The following TRPM3 variants were observed in gnomAD, a reference collection of about 807,000 sequenced individuals.
The protein encoded by TRPM3 is transient receptor potential cation channel subfamily M member 3, also known as long transient receptor potential channel 3.
In TRPM3, 77 loss-of-function variants were observed where a neutral mutation model predicts 181.2. The ratio of observed to expected loss-of-function variants is 0.42; its 90% CI spans 0.35 to 0.51. The LOEUF (loss-of-function observed/expected upper bound fraction) is 0.51, where lower values mean the gene tolerates loss of function less well. TRPM3 is among the 20% of genes least tolerant of loss of function. TRPM3 has a pLI of 0.01. For synonymous variants in TRPM3, 745 were observed against 796.4 expected, an observed-to-expected ratio of 0.94 and a Z score of 1.09; for missense variants, 1,759 against 2,196.7, an observed-to-expected ratio of 0.80 and a Z score of 3.98.
intron 7 of TRPM3, among the ~76,000 whole-genome samples, chr9:70,769,598 G>A (rs1361582581): frequency 1.3e-5 from 2 of 151,756 alleles, no homozygotes; most frequent in Non-Finnish European, 2.9e-5. Flanking sequence ...ACATTGCAGT[G>A]TATCCCATGT....
At chr9:71,089,849 G>A (rs957618360) in intron 1 of TRPM3, among the ~76,000 whole-genome samples, 1 of 152,054 alleles carries the variant, frequency 6.6e-6, no homozygotes, top group Non-Finnish European at 1.5e-5. Context: ...AGAGAGAGGA[G>A]CTCTACATCA....
intron 1 of TRPM3, among the ~76,000 whole-genome samples, chr9:71,077,961 C>T (rs1054212442): frequency 6.8e-6 from 1 of 148,062 alleles, no homozygotes; most frequent in Admixed American, 6.8e-5. Flanking sequence ...TAGCCAACCA[C>T]ACAAGCTTCT....
intron 8 of TRPM3, among the ~76,000 whole-genome samples, chr9:70,694,503 C>G (rs1004267092): frequency 6.6e-6 from 1 of 151,914 alleles, no homozygotes; most frequent in Non-Finnish European, 1.5e-5. Flanking sequence ...TTTTTTGAGA[C>G]GGAGTCTTGC....
At chr9:71,245,101 T>C (rs535459189) in intron 1 of TRPM3, among the ~76,000 whole-genome samples, 1 of 152,172 alleles carries the variant, frequency 6.6e-6, no homozygotes, top group African/African-American at 2.4e-5. Context: ...CAAAGACTAT[T>C]CTAGGAGAAA....
At chr9:70,775,101 C>T (rs912119383) in intron 7 of TRPM3, 16 of 152,064 alleles carry the variant, frequency 1.1e-4, no homozygotes, top group African/African-American at 3.6e-4. Flanking sequence ...TTAATAATAC[C>T]ACTAGGTAAG....
chr9:70,657,198 TAAAAAAAAAA>T (rs3073513), intron 9 of TRPM3, among the ~76,000 whole-genome samples: 2 of 117,690 alleles, frequency 1.7e-5, no homozygotes, highest in African/African-American at 2.9e-5. Flanking sequence ...GGGCTTGAGG[TAAAAAAAAAA>T]AAAAAAAAAA....
At chr9:70,602,702 G>T (rs2060283338) in intron 20 of TRPM3, among the ~76,000 whole-genome samples, 1 of 152,190 alleles carries the variant, frequency 6.6e-6, no homozygotes, top group African/African-American at 2.4e-5. Flanking sequence ...ATGGGCCCCT[G>T]AGGTTAGCTC....
chr9:70,803,743 C>T (rs944598213), intron 6 of TRPM3, among the ~76,000 whole-genome samples: 2 of 151,664 alleles, frequency 1.3e-5, no homozygotes, highest in African/African-American at 2.4e-5. Context: ...AGCCACCACG[C>T]CCGGCCGAGC....
chr9:71,235,876 T>C (rs1719741056), intron 1 of TRPM3, among the ~76,000 whole-genome samples: 1 of 152,232 alleles, frequency 6.6e-6, no homozygotes, highest in Non-Finnish European at 1.5e-5. Flanking sequence ...AAGCTATCCA[T>C]GATGGTAGAA....
chr9:71,156,969 T>G (rs2076035843), intron 1 of TRPM3, among the ~76,000 whole-genome samples: 1 of 152,142 alleles, frequency 6.6e-6, no homozygotes, highest in Non-Finnish European at 1.5e-5. Context: ...TCCACAGGAA[T>G]TGTGTCTTGG....
chr9:71,169,753 G>A (rs981098121), intron 1 of TRPM3, among the ~76,000 whole-genome samples: 5 of 151,906 alleles, frequency 3.3e-5, no homozygotes, highest in African/African-American at 7.2e-5. Context: ...TAAGGAGTTC[G>A]AGACCAGCCT....
chr9:70,794,250 C>T (rs922326773), intron 6 of TRPM3, among the ~76,000 whole-genome samples: 17 of 152,136 alleles, frequency 1.1e-4, no homozygotes, highest in African/African-American at 3.4e-4. Flanking sequence ...CTCCATCTCT[C>T]ACGTAAAGAG....
intron 8 of TRPM3, among the ~76,000 whole-genome samples, chr9:70,749,892 A>G (rs1185283305): frequency 6.6e-6 from 1 of 152,210 alleles, no homozygotes; most frequent in Non-Finnish European, 1.5e-5. Context: ...CATTTGACCC[A>G]GATGTAGATT....
At chr9:71,373,976 C>A (rs574755110) in intron 1 of TRPM3, among the ~76,000 whole-genome samples, 1 of 152,212 alleles carries the variant, frequency 6.6e-6, no homozygotes, top group African/African-American at 2.4e-5. Flanking sequence ...TCAACATACA[C>A]AAATCAACGT....
intron 1 of TRPM3, among the ~76,000 whole-genome samples, chr9:71,263,275 A>G (rs1412612520): frequency 6.6e-6 from 1 of 152,240 alleles, no homozygotes; most frequent in East Asian, 1.9e-4. Context: ...TAACATGTCT[A>G]AAATGTTACT....
At chr9:70,909,027 T>C (rs2096505360) in intron 1 of TRPM3, among the ~76,000 whole-genome samples, 1 of 152,234 alleles carries the variant, frequency 6.6e-6, no homozygotes, top group African/African-American at 2.4e-5. Flanking sequence ...AAAGCATCTT[T>C]ATTTCTTTGG....
At position 70,885,904 on chromosome 9, in the gene TRPM3, T is replaced by C. The variant is rs184184255; in HGVS notation, c.178-21393A>G. Among the ~76,000 whole-genome samples the C allele has an allele frequency of 3.1e-3, 467 of 152,296 alleles. 3 individuals are homozygous for C. The highest frequency in any genetic ancestry group is 0.01 in the African/African-American group (433 of 41,566). On this transcript the variant is annotated intron_variant, in intron 1 of 25. Transcript: ENST00000677713. ...GTACTTAGCATAGAAACAGCACAAATTGCCCTTAATAATACAAAGAAACAA... is the reference window on the plus strand; with the variant it reads ...GTACTTAGCATAGAAACAGCACAAACTGCCCTTAATAATACAAAGAAACAA...
chr9:70,838,668 G>A (rs892040241), intron 5 of TRPM3, among the ~76,000 whole-genome samples: 1 of 152,038 alleles, frequency 6.6e-6, no homozygotes, highest in Non-Finnish European at 1.5e-5. Flanking sequence ...GTAGGATTAT[G>A]GATAGTAATA....
At chr9:70,903,048 G>T (rs2096408226) in intron 1 of TRPM3, among the ~76,000 whole-genome samples, 1 of 152,152 alleles carries the variant, frequency 6.6e-6, no homozygotes, top group South Asian at 2.1e-4. Context: ...TATCCACTAG[G>T]CTGGCGAGGG....
Sources: gnomAD v4.1 joint callset for allele counts (sites outside exome capture counted in the v4.1 genomes callset) on GRCh38, gnomAD v4.1.1 for gene constraint, MANE v1.5 for transcripts, NCBI Gene and HGNC (gene_info 2026-07-23, HGNC 2026-07-21) for gene names.